Variants in PTPN2 observed in about 807,000 individuals in gnomAD.
The protein encoded by PTPN2 is tyrosine-protein phosphatase non-receptor type 2.
PTPN2 carries 19 observed loss-of-function variants against 57.3 expected under a neutral mutation model. The observed-to-expected ratio is 0.33, with a 90% CI of 0.23 to 0.49. The LOEUF (loss-of-function observed/expected upper bound fraction) is 0.49. Ranked by LOEUF, PTPN2 falls within the 20% of genes least tolerant of loss-of-function variation. PTPN2 has a pLI of 0.99. For synonymous variants in PTPN2, 153 were observed against 164.9 expected, an observed-to-expected ratio of 0.93 and a Z score of 0.55; for missense variants, 358 against 501.1, an observed-to-expected ratio of 0.71 and a Z score of 2.73.
chr18:12,829,718 G>T (rs2042603074), intron 4 of PTPN2, among the ~76,000 whole-genome samples: 1 of 152,054 alleles, frequency 6.6e-6, no homozygotes, highest in Admixed American at 6.6e-5. Flanking sequence ...GACCTCAATA[G>T]GGAATCAACT....
At chr18:12,804,125 T>C (rs1390942854) in intron 7 of PTPN2, among the ~76,000 whole-genome samples, 2 of 151,504 alleles carry the variant, frequency 1.3e-5, no homozygotes, top group Non-Finnish European at 2.9e-5. Flanking sequence ...CATGGTGAAA[T>C]GCCATCTCTA....
rs147215166 is a variant in PTPN2 at position 12,805,388 on chromosome 18, C to T, written c.859-3237G>A. On this transcript the variant is annotated intron_variant, in intron 7 of 8. Coordinates refer to ENST00000309660, the MANE Select transcript of PTPN2 (RefSeq NM_002828.4). The stretch of plus-strand genomic sequence containing the variant: ...ATGAGAATCGCTTGAACCCAGAAGG[C>T]GGAGGTAGCAGTGAGCCGAGATTGC... Among the ~76,000 whole-genome samples, 663 of 150,664 alleles carry T rather than the reference C, an allele frequency of 4.4e-3. 3 individuals carry two copies. Among genetic ancestry groups the T allele is most frequent in the African/African-American group, 0.015 (632 of 41,008 alleles).
intron 5 of PTPN2, 81 bp from the exon 6 acceptor site, chr18:12,817,446 T>C: frequency 4.6e-6 from 5 of 1,087,894 alleles, no homozygotes; most frequent in Non-Finnish European, 6.7e-6. Flanking sequence ...ATGTGTTTTA[T>C]ATAATTCTTT....
chr18:12,825,702 T>C (rs762384428), intron 5 of PTPN2, 108 bp downstream of exon 5: 42 of 1,025,894 alleles, frequency 4.1e-5, no homozygotes, highest in Non-Finnish European at 5.1e-5. Flanking sequence ...CTAGATACTA[T>C]AGGAATTATC....
At chr18:12,811,270 C>T (rs900511273) in intron 7 of PTPN2, among the ~76,000 whole-genome samples, 3 of 152,104 alleles carry the variant, frequency 2.0e-5, no homozygotes, top group African/African-American at 4.8e-5. Flanking sequence ...AAGTACCCCA[C>T]AAAAATGTTA....
In PTPN2 at chr18:12,877,738, G is replaced by A. The variant is rs536170267; in HGVS notation, c.69+6335C>T. 7.2e-5 allele frequency among the ~76,000 whole-genome samples: 11 copies of A among 151,844 alleles called. No individual in the cohort carries two copies. The South Asian group carries it at 1.2e-3, about 17-fold the overall frequency. On this transcript the variant is annotated intron_variant, in intron 1 of 8. Transcript: ENST00000309660. ...TAATAAAGAAAAATGGCGGCCAGGC[G>A]CAGTGGCTCATGCCTATAATCCCAG...
At chr18:12,854,528 T>TG (rs1256238929) in intron 2 of PTPN2, among the ~76,000 whole-genome samples, 1 of 152,012 alleles carries the variant, frequency 6.6e-6, no homozygotes, top group Non-Finnish European at 1.5e-5. Context: ...AAAAGGCAGG[T>TG]GTGGGGCTAA....
At chr18:12,859,697 T>C (rs2043723430) in intron 1 of PTPN2, among the ~76,000 whole-genome samples, 1 of 152,240 alleles carries the variant, frequency 6.6e-6, no homozygotes, top group African/African-American at 2.4e-5. Context: ...ACTCACAGCA[T>C]CTACCTAAAT....
At chr18:12,820,956 G>A (rs2042251439) in intron 5 of PTPN2, among the ~76,000 whole-genome samples, 1 of 152,196 alleles carries the variant, frequency 6.6e-6, no homozygotes, top group Non-Finnish European at 1.5e-5. Flanking sequence ...TTGAGCAAGT[G>A]TAACAACAGG....
At chr18:12,829,616 T>G (rs1276578371) in intron 4 of PTPN2, among the ~76,000 whole-genome samples, 1 of 151,374 alleles carries the variant, frequency 6.6e-6, no homozygotes, top group Non-Finnish European at 1.5e-5. Flanking sequence ...AGGAGTAAAA[T>G]TAATCCAGTA....
chr18:12,853,932 T>C (rs2043482101), intron 2 of PTPN2, among the ~76,000 whole-genome samples: 2 of 152,124 alleles, frequency 1.3e-5, no homozygotes, highest in South Asian at 2.1e-4. Context: ...TTACTCCAGA[T>C]ACCATGAAAA....
chr18:12,863,372 T>C (rs1228329289), intron 1 of PTPN2: 2 of 151,990 alleles, frequency 1.3e-5, no homozygotes, highest in East Asian at 3.9e-4. Context: ...GACAGGAGGA[T>C]TGCTTGAACT....
At chr18:12,828,455 G>A (rs2042553453) in intron 4 of PTPN2, among the ~76,000 whole-genome samples, 1 of 152,176 alleles carries the variant, frequency 6.6e-6, no homozygotes, top group African/African-American at 2.4e-5. Context: ...ACCATTTTCA[G>A]TAATTATTTT....
At chr18:12,836,972 T>C (rs1160940571) in intron 2 of PTPN2, 81 bp from the exon 3 acceptor site, 3 of 833,986 alleles carry the variant, frequency 3.6e-6, no homozygotes, top group African/African-American at 1.7e-5. Context: ...TAGGTATTTA[T>C]AAAAAGACAG....
rs147885802 is a variant in PTPN2, at chr18:12,870,288, T to C, written c.70-11034A>G. On this transcript the variant is annotated intron_variant, in intron 1 of 8. Coordinates refer to ENST00000309660, the MANE Select transcript of PTPN2 (RefSeq NM_002828.4). The stretch of plus-strand genomic sequence containing the variant: ...ATATATATATGTATATATATACATA[T>C]ACATATATATGTGTATATATACATA... 5.0e-3 allele frequency among the ~76,000 whole-genome samples: 338 copies of C among 68,282 alleles called. 26 individuals are homozygous for C. The highest frequency in any genetic ancestry group is 7.0e-3 in the Non-Finnish European group (270 of 38,600). 44.8% of individuals were successfully genotyped at this position (68,282 alleles called of 152,430 possible).
chr18:12,863,715 C>T (rs2145488815), intron 1 of PTPN2: 1 of 152,276 alleles, frequency 6.6e-6, no homozygotes, highest in Non-Finnish European at 1.5e-5. Context: ...CAAAATCCAT[C>T]ATGAACATAT....
intron 2 of PTPN2, among the ~76,000 whole-genome samples, chr18:12,847,345 C>T (rs1256378186): frequency 6.6e-6 from 1 of 152,192 alleles, no homozygotes; most frequent in Admixed American, 6.5e-5. Context: ...TGATATTCAC[C>T]AGTGCTATTA....
At chr18:12,872,471 A>T (rs2044301250) in intron 1 of PTPN2, among the ~76,000 whole-genome samples, 1 of 152,218 alleles carries the variant, frequency 6.6e-6, no homozygotes, top group Admixed American at 6.5e-5. Context: ...TTGAAAAGTT[A>T]TTCATTGCAT....
rs942440419 is a variant in PTPN2, at chr18:12,874,094, G to A, written c.69+9979C>T. On this transcript the variant is annotated intron_variant, in intron 1 of 8. Transcript: ENST00000309660. ...AAGTGAGGAGCCCCTCCGCCCGGCA[G>A]CCACCCTGTCTGGGAAGTGAGGAGC... 6.6e-5 allele frequency among the ~76,000 whole-genome samples: 10 copies of A among 151,998 alleles called. No individual in the cohort carries two copies. The East Asian group carries it at 1.4e-3, about 21-fold the overall frequency.
Sources: gnomAD v4.1 joint callset for allele counts (sites outside exome capture counted in the v4.1 genomes callset) on GRCh38, gnomAD v4.1.1 for gene constraint, MANE v1.5 for transcripts, NCBI Gene and HGNC (gene_info 2026-07-23, HGNC 2026-07-21) for gene names.